Variants in ERCC6 observed in about 807,000 individuals in gnomAD.
ERCC6 encodes the protein ERCC excision repair 6, chromatin remodeling factor.
ERCC6 carries 116 observed loss-of-function variants against 158.7 expected under a neutral mutation model. That is an observed-to-expected ratio of 0.73 (90% CI 0.63 to 0.85). The LOEUF (loss-of-function observed/expected upper bound fraction) is 0.85, where lower values mean the gene tolerates loss of function less well. ERCC6 is among the 40% of genes least tolerant of loss of function. ERCC6 has a pLI of 0.00. For synonymous variants in ERCC6, 678 were observed against 659.3 expected, an observed-to-expected ratio of 1.03 and a Z score of -0.43; for missense variants, 1,698 against 1,799.4, an observed-to-expected ratio of 0.94 and a Z score of 1.02.
In ERCC6 at chr10:49,527,233, C is replaced by G. The variant is rs544616303; in HGVS notation, c.652+1184G>C. Among the ~76,000 whole-genome samples, 20 of 152,292 alleles carry G rather than the reference C, an allele frequency of 1.3e-4. 1 individual carries two copies. In the South Asian group the frequency reaches 4.1e-3, roughly 32 times the overall value. The stretch of plus-strand genomic sequence containing the variant: ...AAGAGGTAGCTATTAACCCTACTAC[C>G]AAAGTCACAGTAGGAGGTGAAAGAC... On this transcript the variant is annotated intron_variant, in intron 4 of 20. Coordinates refer to ENST00000355832, the MANE Select transcript of ERCC6 (RefSeq NM_000124.4).
intron 18 of ERCC6, among the ~76,000 whole-genome samples, chr10:49,464,046 A>T (rs1850628669): frequency 6.6e-6 from 1 of 152,210 alleles, no homozygotes. Flanking sequence ...TAGAGATGGG[A>T]ACAGTTTGGA....
At position 49,465,878 on chromosome 10, in the gene ERCC6, A is replaced by G. The variant is rs557274614; in HGVS notation, c.3778+4304T>C. ...CTGGTATGTCTTTATCAGCAGTGTG[A>G]AAACAGACTAACACAGAAACACATG... On this transcript the variant is annotated intron_variant, in intron 18 of 20. Transcript: ENST00000355832. Among the ~76,000 whole-genome samples, 4 of 152,316 alleles carry G rather than the reference A, an allele frequency of 2.6e-5. No homozygotes were observed. The East Asian group carries it at 7.7e-4, about 29-fold the overall frequency.
At chr10:49,527,395 C>CT (rs975564925) in intron 4 of ERCC6, among the ~76,000 whole-genome samples, 1 of 152,202 alleles carries the variant, frequency 6.6e-6, no homozygotes, top group African/African-American at 2.4e-5. Context: ...TACTTTTGGG[C>CT]TGGGTGCAGT....
At chr10:49,500,757 T>G (rs1013866689) in intron 6 of ERCC6, 61 bp from the exon 7 acceptor site, 4 of 1,557,806 alleles carry the variant, frequency 2.6e-6, no homozygotes, top group Non-Finnish European at 2.6e-6. Flanking sequence ...ATACAGATCA[T>G]AACAGAAAGT....
chr10:49,460,446 C>T lies in ERCC6; in HGVS notation c.3989G>A (p.Arg1330Lys). Residue 1330 changes from arginine (R) to lysine (K), a missense_variant, in exon 20 of 21, where the codon AGA becomes AAA. Physicochemically the swap from Arg to Lys is conservative, Grantham distance 26. Coordinates refer to ENST00000355832, the MANE Select transcript of ERCC6 (RefSeq NM_000124.4). ...ISGAPAGKKS[R>K]FGKKRNSNFS... Reference sequence around the variant, plus strand: ...GTTAGAATTCCTTTTCTTACCAAATCTACTCCTAAAAAAGGAAAAGCATCA... The same window carrying T: ...GTTAGAATTCCTTTTCTTACCAAATTTACTCCTAAAAAAGGAAAAGCATCA... 1 of 1,610,336 alleles carries T rather than the reference C, an allele frequency of 6.2e-7. No individual in the cohort carries two copies.
chr10:49,487,998 G>A (rs1458641084), intron 8 of ERCC6, among the ~76,000 whole-genome samples: 3 of 152,190 alleles, frequency 2.0e-5, no homozygotes, highest in African/African-American at 4.8e-5. Flanking sequence ...TGCCTAGACT[G>A]GAGTTTCAAT....
chr10:49,470,105 A>G lies in ERCC6; in HGVS notation c.3778+77T>C, dbSNP rs1275283803. The G allele has an allele frequency of 2.3e-6, 3 of 1,315,702 alleles. No homozygotes were observed. The East Asian group carries it at 6.9e-5, about 30-fold the overall frequency. The allele number at this position is 1,315,702 out of a possible 1,614,324, so 81.5% of individuals were successfully genotyped here. On this transcript the variant is annotated intron_variant, in intron 18 of 20. Transcript: ENST00000355832. ...ACAGCCCTCTATGCACCATCAGTTA[A>G]AGACTGCTACTGCTAGAAACAGCCT...
chr10:49,465,661 T>C (rs1850662509), intron 18 of ERCC6, among the ~76,000 whole-genome samples: 1 of 152,198 alleles, frequency 6.6e-6, no homozygotes, highest in South Asian at 2.1e-4. Flanking sequence ...TCCTGTGCTG[T>C]TCTTGTACTA....
downstream of ERCC6, among the ~76,000 whole-genome samples, chr10:49,452,363 G>C (rs570647456): frequency 4.6e-5 from 7 of 151,936 alleles, no homozygotes; most frequent in Non-Finnish European, 1.0e-4. Flanking sequence ...ATTTAGTAGT[G>C]TGTTGTTCAA....
At chr10:49,473,358 G>GC in intron 14 of ERCC6, 119 bp downstream of exon 14, 3 of 818,090 alleles carry the variant, frequency 3.7e-6, no homozygotes, top group Non-Finnish European at 6.5e-6. Flanking sequence ...CTCCCCTTAG[G>GC]CCCCCTCCCA....
intron 6 of ERCC6, chr10:49,502,685 A>C (rs886955330): frequency 6.6e-6 from 1 of 152,202 alleles, no homozygotes; most frequent in Non-Finnish European, 1.5e-5. Flanking sequence ...AATAGTTCTC[A>C]GCCAGGGGTA....
intron 5 of ERCC6, among the ~76,000 whole-genome samples, chr10:49,514,076 G>A (rs1314154814): frequency 3.3e-5 from 5 of 152,046 alleles, no homozygotes; most frequent in Admixed American, 6.5e-5. Flanking sequence ...GCCACAGAAC[G>A]AAAGCAATTG....
chr10:49,496,259 C>G (rs988936734), intron 7 of ERCC6, among the ~76,000 whole-genome samples: 1 of 152,214 alleles, frequency 6.6e-6, no homozygotes, highest in Non-Finnish European at 1.5e-5. Flanking sequence ...CCTGACAAAA[C>G]ACAAATCACC....
chr10:49,483,975 G>T (rs995973983), intron 8 of ERCC6, among the ~76,000 whole-genome samples: 3 of 151,812 alleles, frequency 2.0e-5, no homozygotes, highest in East Asian at 1.9e-4. Flanking sequence ...TAAAAGCAAT[G>T]ATTTTAAAAT....
chr10:49,442,336 T>G, the ERCC6 span, among the ~76,000 whole-genome samples: 1 of 152,166 alleles, frequency 6.6e-6, no homozygotes, highest in African/African-American at 2.4e-5. Context: ...TTGATTGTCT[T>G]GCAAAGCGAA....
At chr10:49,515,499 G>A in intron 5 of ERCC6, 2 of 1,614,112 alleles carry the variant, frequency 1.2e-6, no homozygotes, top group African/African-American at 1.3e-5. Context: ...ACGCTTCTGA[G>A]GTCTTCCTTT....
At chr10:49,436,274 TA>T in the ERCC6 span, among the ~76,000 whole-genome samples, 1 of 152,082 alleles carries the variant, frequency 6.6e-6, no homozygotes, top group Non-Finnish European at 1.5e-5. Flanking sequence ...TTTCCAAATG[TA>T]GAGTAGGAAA....
chr10:49,471,700 C>G (rs912632566), intron 16 of ERCC6, among the ~76,000 whole-genome samples: 12 of 152,206 alleles, frequency 7.9e-5, no homozygotes, highest in African/African-American at 2.7e-4. Context: ...CTCACAGGAT[C>G]CAACTCGTCC....
chr10:49,505,611 G>T, intron 6 of ERCC6: 1 of 328,034 alleles, frequency 3.0e-6, no homozygotes, highest in Non-Finnish European at 5.5e-6. Flanking sequence ...AACATAAATG[G>T]CTTTTAAATG....
Sources: gnomAD v4.1 joint callset for allele counts (sites outside exome capture counted in the v4.1 genomes callset) on GRCh38, gnomAD v4.1.1 for gene constraint, MANE v1.5 for transcripts, NCBI Gene and HGNC (gene_info 2026-07-23, HGNC 2026-07-21) for gene names.